The following MRPL1 variants were observed in gnomAD, a reference collection of about 807,000 sequenced individuals.
MRPL1 encodes large ribosomal subunit protein uL1m.
In MRPL1, 28 loss-of-function variants were observed where a neutral mutation model predicts 38.0. The ratio of observed to expected loss-of-function variants is 0.74; its 90% CI spans 0.55 to 1.01. MRPL1 has a LOEUF of 1.01. MRPL1 is among the 50% of genes least tolerant of loss of function. The pLI is 0.00. For synonymous variants in MRPL1, 123 were observed against 126.7 expected (o/e 0.97, Z 0.20); for missense variants, 358 against 389.8 (o/e 0.92, Z 0.69).
intron 6 of MRPL1, among the ~76,000 whole-genome samples, chr4:77,899,160 A>ATTTTTTT (rs1214514714): frequency 2.4e-5 from 3 of 126,520 alleles, no homozygotes; most frequent in Non-Finnish European, 3.4e-5. Context: ...CGCCTGGCTC[A>ATTTTTTT]TTTTTTTTTT....
intron 2 of MRPL1, among the ~76,000 whole-genome samples, chr4:77,882,942 T>C (rs1214796815): frequency 6.6e-6 from 1 of 152,242 alleles, no homozygotes; most frequent in African/African-American, 2.4e-5. Context: ...CAGGCTCTGA[T>C]GATGCTCTTG....
chr4:77,930,888 A>G (rs980998175), intron 7 of MRPL1, among the ~76,000 whole-genome samples: 7 of 152,232 alleles, frequency 4.6e-5, no homozygotes, highest in African/African-American at 7.2e-5. Context: ...AACCCTAGCC[A>G]AAATGAGTAC....
intron 7 of MRPL1, among the ~76,000 whole-genome samples, chr4:77,947,835 G>C (rs950948974): frequency 6.6e-6 from 1 of 152,086 alleles, no homozygotes; most frequent in African/African-American, 2.4e-5. Context: ...TATTATAGCT[G>C]TACATATATT....
intron 1 of MRPL1, chr4:77,863,111 A>G (rs1735041794): frequency 1.8e-6 from 1 of 566,896 alleles, no homozygotes; most frequent in South Asian, 2.4e-5. Flanking sequence ...ACGTACATCG[A>G]GCGCCCTCCA....
At chr4:77,913,949 T>A (rs1736355604) in intron 7 of MRPL1, among the ~76,000 whole-genome samples, 1 of 152,122 alleles carries the variant, frequency 6.6e-6, no homozygotes. Context: ...AGTGGTTGCC[T>A]TGGGGTCAGA....
chr4:77,939,523 C>T (rs554571139), intron 7 of MRPL1, among the ~76,000 whole-genome samples: 10 of 152,172 alleles, frequency 6.6e-5, no homozygotes, highest in East Asian at 3.9e-4. Flanking sequence ...TCTTTTGCTG[C>T]GCAGAAGCTT....
chr4:77,885,700 T>C lies in MRPL1; in HGVS notation c.486+361T>C, dbSNP rs1172432620. Among the ~76,000 whole-genome samples, 8 of 152,268 alleles carry C rather than the reference T, an allele frequency of 5.3e-5. No homozygotes were observed. The East Asian group carries it at 1.5e-3, about 29-fold the overall frequency. ...ATTTTTTTTAGAGATCACAAATTAA[T>C]CATTAATTATTAACCAATCATTAGC... On this transcript the variant is annotated intron_variant, in intron 4 of 8. Transcript: ENST00000315567.
In MRPL1 at chr4:77,907,941, A is replaced by T. The variant is rs555728382; in HGVS notation, c.671-1325A>T. Among the ~76,000 whole-genome samples the T allele has an allele frequency of 2.8e-5, 4 of 143,396 alleles. No homozygotes were observed. In the South Asian group the frequency reaches 8.8e-4, roughly 32 times the overall value. The allele number at this position is 143,396 out of a possible 152,430, so 94.1% of individuals were successfully genotyped here. A position where few individuals can be genotyped will look rare whatever the true frequency, so the allele number is the denominator to read the frequency against. ...GTCTTGCTCTGTTGCCCAGGCTGCCAGGCTGGAGTGCAGTGGCTCATTCTC... is the reference window on the plus strand; with the variant it reads ...GTCTTGCTCTGTTGCCCAGGCTGCCTGGCTGGAGTGCAGTGGCTCATTCTC... On this transcript the variant is annotated intron_variant, in intron 6 of 8. Transcript: ENST00000315567.
chr4:77,899,559 C>T (rs550369182), intron 6 of MRPL1, among the ~76,000 whole-genome samples: 2 of 151,968 alleles, frequency 1.3e-5, no homozygotes, highest in Non-Finnish European at 2.9e-5. Flanking sequence ...TTGCCATATT[C>T]AAAGGTCTGT....
intron 7 of MRPL1, among the ~76,000 whole-genome samples, chr4:77,945,287 G>T (rs909021092): frequency 9.2e-5 from 14 of 151,894 alleles, no homozygotes; most frequent in Non-Finnish European, 1.9e-4. Flanking sequence ...AAAGCTGTCT[G>T]CCAGGCCACA....
intron 1 of MRPL1, among the ~76,000 whole-genome samples, chr4:77,871,270 T>G (rs1735272390): frequency 6.6e-6 from 1 of 151,618 alleles, no homozygotes; most frequent in Non-Finnish European, 1.5e-5. Context: ...TGTATTTACC[T>G]GCTTTTAGTT....
intron 5 of MRPL1, among the ~76,000 whole-genome samples, chr4:77,890,714 C>A (rs531473080): frequency 3.3e-5 from 5 of 152,108 alleles, no homozygotes; most frequent in African/African-American, 1.2e-4. Context: ...GCAGATGACA[C>A]GATTGTATAT....
chr4:77,900,742 A>G (rs982826797), intron 6 of MRPL1, among the ~76,000 whole-genome samples: 2 of 152,232 alleles, frequency 1.3e-5, no homozygotes, highest in Non-Finnish European at 2.9e-5. Flanking sequence ...GGAGCCATTG[A>G]AAACTTTAGC....
intron 6 of MRPL1, among the ~76,000 whole-genome samples, chr4:77,897,350 C>A (rs1050602274): frequency 6.6e-6 from 1 of 152,028 alleles, no homozygotes; most frequent in African/African-American, 2.4e-5. Context: ...GGATTACAGG[C>A]GTGAACCACT....
chr4:77,907,639 A>G (rs1053105907), intron 6 of MRPL1, among the ~76,000 whole-genome samples: 13 of 150,536 alleles, frequency 8.6e-5, no homozygotes, highest in African/African-American at 2.9e-4. Flanking sequence ...ATCTCAGCTC[A>G]CTGCAACCTC....
intron 2 of MRPL1, among the ~76,000 whole-genome samples, chr4:77,872,829 C>T (rs543807136): frequency 6.6e-6 from 1 of 152,132 alleles, no homozygotes; most frequent in Non-Finnish European, 1.5e-5. Context: ...CACCACTGTG[C>T]TCCAGCCTGG....
At chr4:77,946,040 C>T (rs1737256638) in intron 7 of MRPL1, among the ~76,000 whole-genome samples, 1 of 151,984 alleles carries the variant, frequency 6.6e-6, no homozygotes, top group African/African-American at 2.4e-5. Flanking sequence ...GGGGTTTTTT[C>T]CCCCACCCTA....
At chr4:77,947,054 T>C (rs1163929708) in intron 7 of MRPL1, among the ~76,000 whole-genome samples, 2 of 151,470 alleles carry the variant, frequency 1.3e-5, no homozygotes, top group African/African-American at 2.4e-5. Flanking sequence ...TTTAGTTTTC[T>C]CATAATGATA....
At chr4:77,865,427 CT>C (rs35296658) in intron 1 of MRPL1, among the ~76,000 whole-genome samples, 151 of 144,262 alleles carry the variant, frequency 1.0e-3, no homozygotes, top group Admixed American at 1.2e-3. Context: ...ATCCTTGACT[CT>C]TTTTTTTTTT....
Sources: gnomAD v4.1 joint callset for allele counts (sites outside exome capture counted in the v4.1 genomes callset) on GRCh38, gnomAD v4.1.1 for gene constraint, MANE v1.5 for transcripts, NCBI Gene and HGNC (gene_info 2026-07-23, HGNC 2026-07-21) for gene names.